Variants in PUM3 observed in about 807,000 individuals in gnomAD.
PUM3 encodes the protein pumilio RNA binding family member 3, also known as pumilio homolog 3.
PUM3 carries 91 observed loss-of-function variants against 84.0 expected under a neutral mutation model. The ratio of observed to expected loss-of-function variants is 1.08; its 90% confidence interval spans 0.91 to 1.29. The LOEUF (loss-of-function observed/expected upper bound fraction) is 1.29. Among genes scored for constraint, PUM3 ranks in the 50% most tolerant of loss-of-function variants. The pLI, the probability that PUM3 is intolerant of heterozygous loss-of-function variation, is 0.00. For synonymous variants in PUM3, 321 were observed against 266.7 expected, an observed-to-expected ratio of 1.20 and a Z score of -1.98; for missense variants, 1,067 against 767.5, an observed-to-expected ratio of 1.39 and a Z score of -4.61.
intron 9 of PUM3, 152 bp downstream of exon 9, chr9:2,828,520 CAAG>C (rs1374305423): frequency 1.8e-6 from 1 of 567,888 alleles, no homozygotes; most frequent in Non-Finnish European, 3.1e-6. Flanking sequence ...CCTTTTGCAC[CAAG>C]AATGGTTTCA....
chr9:2,827,284 T>C (rs929885505), intron 9 of PUM3, 133 bp from the exon 10 acceptor site: 2 of 604,174 alleles, frequency 3.3e-6, no homozygotes, highest in East Asian at 6.5e-5. Flanking sequence ...TGTCATAAAA[T>C]AGACTGTATT....
intron 1 of PUM3, among the ~76,000 whole-genome samples, chr9:2,842,681 C>T (rs1223927547): frequency 6.6e-6 from 1 of 152,122 alleles, no homozygotes; most frequent in Non-Finnish European, 1.5e-5. Context: ...TGAGTACTCC[C>T]AAATCATGTC....
chr9:2,816,473 T>C (rs539146202), intron 13 of PUM3, among the ~76,000 whole-genome samples: 1 of 152,390 alleles, frequency 6.6e-6, no homozygotes, highest in South Asian at 2.1e-4. Context: ...ACTACTTAAC[T>C]GTATCCTTCA....
chr9:2,818,038 G>C (rs73377837), intron 13 of PUM3, among the ~76,000 whole-genome samples: 1 of 152,220 alleles, frequency 6.6e-6, no homozygotes, highest in Admixed American at 6.5e-5. Context: ...CAGCTGACCA[G>C]GCTGTGATTT....
intron 17 of PUM3, among the ~76,000 whole-genome samples, chr9:2,807,356 G>A (rs1247823718): frequency 6.6e-6 from 1 of 152,088 alleles, no homozygotes; most frequent in Non-Finnish European, 1.5e-5. Context: ...AGCACTTTCG[G>A]AGGTCAAGAT....
At chr9:2,834,892 C>T (rs956538637) in intron 3 of PUM3, among the ~76,000 whole-genome samples, 1 of 151,836 alleles carries the variant, frequency 6.6e-6, no homozygotes, top group Non-Finnish European at 1.5e-5. Flanking sequence ...ACTAATGATG[C>T]CAAACAAAGA....
At chr9:2,842,424 T>C (rs1816289079) in intron 1 of PUM3, among the ~76,000 whole-genome samples, 1 of 152,190 alleles carries the variant, frequency 6.6e-6, no homozygotes, top group Non-Finnish European at 1.5e-5. Context: ...ATTCAAAATG[T>C]GGTCTTAATT....
intron 13 of PUM3, among the ~76,000 whole-genome samples, chr9:2,818,182 G>T (rs923714062): frequency 2.0e-5 from 3 of 152,198 alleles, no homozygotes; most frequent in African/African-American, 7.2e-5. Flanking sequence ...AAATCCAAGG[G>T]CAATTAGCAT....
intron 1 of PUM3, among the ~76,000 whole-genome samples, chr9:2,841,680 G>T (rs1026795035): frequency 2.0e-5 from 3 of 149,996 alleles, no homozygotes; most frequent in Non-Finnish European, 4.4e-5. Context: ...ATTCAAGTCA[G>T]TGTATTCTGC....
intron 17 of PUM3, among the ~76,000 whole-genome samples, chr9:2,805,349 C>A (rs1359948750): frequency 1.3e-5 from 2 of 152,168 alleles, no homozygotes; most frequent in Non-Finnish European, 2.9e-5. Flanking sequence ...GTGGATAGGA[C>A]CTACAGCTCT....
chr9:2,805,419 T>C (rs1821239425), intron 17 of PUM3, among the ~76,000 whole-genome samples: 1 of 152,132 alleles, frequency 6.6e-6, no homozygotes. Flanking sequence ...CCTTTGTAAA[T>C]ACGGACCTCT....
At chr9:2,831,215 C>A in intron 6 of PUM3, 36 bp downstream of exon 6, 2 of 1,386,504 alleles carry the variant, frequency 1.4e-6, no homozygotes, top group Non-Finnish European at 2.0e-6. Context: ...TGACTTATTG[C>A]AAATGATAAC....
chr9:2,830,123 T>C (rs1351500065), intron 7 of PUM3, among the ~76,000 whole-genome samples, 175 bp from the exon 8 acceptor site: 1 of 151,968 alleles, frequency 6.6e-6, no homozygotes, highest in Non-Finnish European at 1.5e-5. Flanking sequence ...TCAATAAATG[T>C]CATTTCCTAT....
Position 2,828,691 on chromosome 9 carries a change from T to A in PUM3, c.940A>T (p.Thr314Ser). 2 of 1,592,408 alleles carry A rather than the reference T, an allele frequency of 1.3e-6. No homozygotes were observed. The highest frequency in any genetic ancestry group is 1.7e-6 in the Non-Finnish European group (2 of 1,160,716). ...CTTTCTTACTTTTGGGCCATTGGAG[T>A]TAGAATCTGTTTCATTTCATCCATA... is the stretch of plus-strand genomic sequence containing the variant. ...LIMDEMKQILTPMAQKEAVIK... is the reference protein window; with the variant it reads ...LIMDEMKQILSPMAQKEAVIK... Residue 314 changes from threonine (T) to serine (S), a missense_variant, in exon 9 of 18, where the codon ACT becomes TCT. Physicochemically the swap from Thr to Ser is moderately conservative, Grantham distance 58. Transcript: ENST00000397885.
intron 13 of PUM3, 98 bp from the exon 14 acceptor site, chr9:2,812,460 G>A: frequency 2.6e-6 from 2 of 773,572 alleles, no homozygotes; most frequent in Non-Finnish European, 4.1e-6. Context: ...ACTATGCTAA[G>A]CAAGGAACTG....
In PUM3 at chr9:2,811,375, C is replaced by T; in HGVS notation, c.1621G>A (p.Gly541Ser). ...TGGCACATTACCTCTCCGTCCTTGC[C>T]ACCAGGATGCAGTCCTGTTGCTGCC... Reference protein sequence around the residue: ...SLAATGLHPGGKDGELHIAEH... With the variant: ...SLAATGLHPGSKDGELHIAEH... The change falls in exon 15 of 18, where the codon GGC (glycine) becomes AGC (serine). Residue 541 changes from glycine to serine, a missense_variant. By Grantham distance (56) the Gly-to-Ser change is moderately conservative. Transcript: ENST00000397885. The T allele has an allele frequency of 6.2e-7, 1 of 1,614,044 alleles. No individual in the cohort carries two copies. Among genetic ancestry groups the T allele is most frequent in the South Asian group, 1.1e-5 (1 of 91,066 alleles).
chr9:2,817,998 G>A (rs1359599469), intron 13 of PUM3, among the ~76,000 whole-genome samples: 3 of 152,232 alleles, frequency 2.0e-5, no homozygotes, highest in Non-Finnish European at 4.4e-5. Context: ...GTAAGAAAGA[G>A]CTCGTATCCA....
At chr9:2,817,547 A>T (rs1164635945) in intron 13 of PUM3, among the ~76,000 whole-genome samples, 1 of 152,242 alleles carries the variant, frequency 6.6e-6, no homozygotes, top group Admixed American at 6.5e-5. Context: ...AGAAAAATAC[A>T]TGTAAGACAT....
intron 1 of PUM3, 99 bp from the exon 2 acceptor site, chr9:2,838,616 C>T: frequency 1.4e-6 from 1 of 723,994 alleles, no homozygotes; most frequent in Non-Finnish European, 2.4e-6. Context: ...CTTCAGTCTA[C>T]AAATACAATA....
Sources: allele counts gnomAD v4.1 joint callset (sites outside exome capture counted in the v4.1 genomes callset), GRCh38; gene constraint gnomAD v4.1.1; transcripts MANE v1.5; gene names NCBI Gene and HGNC (gene_info 2026-07-23, HGNC 2026-07-21).